NPLOC4: variants seen among roughly 807,000 people sequenced by gnomAD.
The protein encoded by NPLOC4 is nuclear protein localization protein 4 homolog.
In NPLOC4, 18 loss-of-function variants were observed where a neutral mutation model predicts 80.6. The ratio of observed to expected loss-of-function variants is 0.22; its 90% CI spans 0.15 to 0.33. The LOEUF is 0.33. NPLOC4 is among the 10% of genes least tolerant of loss of function. The probability of loss-of-function intolerance (pLI) is 1.00; values close to 1 mark genes in which losing one functional copy is unlikely to be tolerated. For missense variants in NPLOC4, 540 were observed against 786.1 expected (o/e 0.69, Z 3.74); for synonymous variants, 313 against 301.5 (o/e 1.04, Z -0.39).
rs1408183422 is a variant in NPLOC4 at position 81,605,825 on chromosome 17, T to C, written c.654+866A>G. 1.8e-4 allele frequency among the ~76,000 whole-genome samples: 21 copies of C among 117,404 alleles called. 1 individual carries two copies. The highest frequency in any genetic ancestry group is 1.7e-3 in the Admixed American group (21 of 12,090). The allele number at this position is 117,404 out of a possible 152,430, so 77.0% of individuals were successfully genotyped here. A position where few individuals can be genotyped will look rare whatever the true frequency, so the allele number is the denominator to read the frequency against. Reference sequence around the variant, plus strand: ...TAGGGCAAAAAACAAACACATTTTCTTTTTTTTTTTTTTTGAGACGGAGTC... The same window carrying C: ...TAGGGCAAAAAACAAACACATTTTCCTTTTTTTTTTTTTTGAGACGGAGTC... On this transcript the variant is annotated intron_variant, in intron 7 of 16. Coordinates refer to ENST00000331134, the MANE Select transcript of NPLOC4 (RefSeq NM_017921.4).
intron 11 of NPLOC4, among the ~76,000 whole-genome samples, chr17:81,589,397 C>T (rs1231398055): frequency 2.0e-5 from 3 of 151,942 alleles, no homozygotes; most frequent in African/African-American, 4.8e-5. Flanking sequence ...GGTGCGGTGG[C>T]GGGCGCCTGT....
At chr17:81,565,276 G>A in intron 16 of NPLOC4, 2 of 698,154 alleles carry the variant, frequency 2.9e-6, no homozygotes. Context: ...AATTTACAGG[G>A]CTGTGTACCT....
At chr17:81,634,137 G>C (rs2036006894) in intron 1 of NPLOC4, among the ~76,000 whole-genome samples, 1 of 151,752 alleles carries the variant, frequency 6.6e-6, no homozygotes, top group Non-Finnish European at 1.5e-5. Flanking sequence ...CTTCCAAAGT[G>C]CTAGGATTAC....
chr17:81,611,024 G>C (rs2035326760), intron 4 of NPLOC4, among the ~76,000 whole-genome samples: 1 of 151,742 alleles, frequency 6.6e-6, no homozygotes, highest in Non-Finnish European at 1.5e-5. Context: ...CAAAGTCAAT[G>C]TAAGTAGTTT....
chr17:81,558,965 G>A lies in NPLOC4; in HGVS notation c.*294C>T, dbSNP rs114604810. ...CCAATTCCAGGTGCCACGTAGAGGCGAGAGGTCTTTCCAACACGGCGGGGG... is the reference window on the plus strand; with the variant it reads ...CCAATTCCAGGTGCCACGTAGAGGCAAGAGGTCTTTCCAACACGGCGGGGG... On this transcript the variant is annotated 3_prime_UTR_variant, in exon 17 of 17. Transcript: ENST00000331134. 1.1e-4 allele frequency: 36 copies of A among 316,848 alleles called. No individual in the cohort carries two copies. The highest frequency in any genetic ancestry group is 1.5e-4 in the Non-Finnish European group (26 of 172,194). 19.6% of individuals were successfully genotyped at this position (316,848 alleles called of 1,614,324 possible). A position where few individuals can be genotyped will look rare whatever the true frequency, so the allele number is the denominator to read the frequency against.
In NPLOC4 at chr17:81,572,713, T is replaced by C. The variant is rs985849567; in HGVS notation, c.1282-625A>G. Among the ~76,000 whole-genome samples, 1 of 152,204 alleles carries C rather than the reference T, an allele frequency of 6.6e-6. No homozygotes were observed. Among genetic ancestry groups the C allele is most frequent in the Non-Finnish European group, 1.5e-5 (1 of 68,032 alleles). On this transcript the variant is annotated intron_variant, in intron 12 of 16. Coordinates refer to ENST00000331134, the MANE Select transcript of NPLOC4 (RefSeq NM_017921.4). This position sits in a 1 kb window ranked among gnomAD's most constrained non-coding sequence, Gnocchi z 4.5. The stretch of plus-strand genomic sequence containing the variant: ...CGCTTGGCCTGGCACTCAGGCGCGA[T>C]CTGCGACAGGCAGAAGGGTCTGCGT...
At chr17:81,579,723 G>A (rs2034389494) in intron 12 of NPLOC4, among the ~76,000 whole-genome samples, 1 of 152,128 alleles carries the variant, frequency 6.6e-6, no homozygotes, top group Non-Finnish European at 1.5e-5. Context: ...CCAGGAAGCA[G>A]TACATGCCCA....
intron 8 of NPLOC4, among the ~76,000 whole-genome samples, chr17:81,601,929 G>C (rs2035065701): frequency 6.6e-6 from 1 of 152,166 alleles, no homozygotes; most frequent in Non-Finnish European, 1.5e-5. Flanking sequence ...AGCAGCTGCA[G>C]GGCACCCCAG....
At chr17:81,575,664 C>T (rs1157717288) in intron 12 of NPLOC4, among the ~76,000 whole-genome samples, 1 of 152,170 alleles carries the variant, frequency 6.6e-6, no homozygotes, top group Non-Finnish European at 1.5e-5. Context: ...CGTGCGCAGG[C>T]TCCCCGCCTC....
intron 16 of NPLOC4, 168 bp downstream of exon 16, chr17:81,565,337 G>A (rs775918748): frequency 3.8e-5 from 27 of 713,026 alleles, no homozygotes; most frequent in South Asian, 7.4e-5. Flanking sequence ...AGCCTGCCAC[G>A]TGCCTGGCAG....
chr17:81,608,900 G>C (rs527757164), intron 5 of NPLOC4, 78 bp from the exon 6 acceptor site: 17 of 1,130,304 alleles, frequency 1.5e-5, no homozygotes, highest in African/African-American at 7.7e-5. Flanking sequence ...CTACGCACAG[G>C]GGGAGGCCAG....
chr17:81,581,647 G>A (rs1050575206), intron 12 of NPLOC4, among the ~76,000 whole-genome samples: 1 of 152,220 alleles, frequency 6.6e-6, no homozygotes, highest in African/African-American at 2.4e-5. Context: ...AGCCAGTGAA[G>A]GCAGTCCATG....
chr17:81,604,855 T>C (rs752144592), intron 7 of NPLOC4, 128 bp from the exon 8 acceptor site: 76 of 829,972 alleles, frequency 9.2e-5, no homozygotes, highest in East Asian at 6.1e-4. Context: ...TAGGGTGTGA[T>C]GGTGCATGCC....
intron 8 of NPLOC4, among the ~76,000 whole-genome samples, chr17:81,602,043 CAAA>C (rs934598272): frequency 6.6e-6 from 1 of 151,986 alleles, no homozygotes; most frequent in African/African-American, 2.4e-5. Context: ...TACAAAGAAA[CAAA>C]GAAGGGGGAT....
chr17:81,568,989 TTA>T (rs777516098), intron 14 of NPLOC4, 25 bp downstream of exon 14: 10 of 1,394,266 alleles, frequency 7.2e-6, no homozygotes, highest in Non-Finnish European at 1.0e-5. Flanking sequence ...TTACCTTAAA[TTA>T]TGTTTCTAAA....
chr17:81,588,914 A>G, intron 12 of NPLOC4, 30 bp downstream of exon 12: 1 of 1,598,004 alleles, frequency 6.3e-7, no homozygotes, highest in South Asian at 1.1e-5. Context: ...TTCTCCATGT[A>G]CAGAGTTCTT....
Position 81,569,050 on chromosome 17 carries a change from G to C in NPLOC4, c.1415C>G (p.Pro472Arg). 6.2e-7 allele frequency: 1 copy of C among 1,612,924 alleles called. No homozygotes were observed. The change falls in exon 14 of 17, where the codon CCT (proline) becomes CGT (arginine). Residue 472 changes from proline to arginine, a missense_variant. By Grantham distance (103) the Pro-to-Arg change is moderately radical. Transcript: ENST00000331134. ...YTFSISQNPF[P>R]IENRDVLGET... ...ACCCAATACATCCCGGTTTTCAATA[G>C]GAAATGGATTTTGCGAAATAGAAAA...
intron 11 of NPLOC4, among the ~76,000 whole-genome samples, chr17:81,593,721 C>T (rs970612054): frequency 5.9e-5 from 9 of 151,478 alleles, no homozygotes; most frequent in South Asian, 4.2e-4. Context: ...CTTTTCTCCC[C>T]GTCTCTAAAT....
intron 8 of NPLOC4, among the ~76,000 whole-genome samples, chr17:81,602,520 T>C (rs930447229): frequency 6.6e-6 from 1 of 151,740 alleles, no homozygotes; most frequent in African/African-American, 2.4e-5. Flanking sequence ...CTGACCAACA[T>C]GGTGAAACCC....
Sources: gnomAD v4.1 joint callset for allele counts (sites outside exome capture counted in the v4.1 genomes callset) on GRCh38, gnomAD v4.1.1 for gene constraint, Gnocchi (gnomAD v3.1) non-coding constraint, MANE v1.5 for transcripts, NCBI Gene and HGNC (gene_info 2026-07-23, HGNC 2026-07-21) for gene names.